The following HECTD4 variants were observed in gnomAD, a reference collection of about 807,000 sequenced individuals.
HECTD4 encodes the protein probable E3 ubiquitin-protein ligase HECTD4.
A neutral mutation model predicts 471.5 loss-of-function variants in HECTD4; 114 were observed. That is an observed-to-expected ratio of 0.24 (90% CI 0.21 to 0.28). HECTD4 has a LOEUF of 0.28. HECTD4 is among the 10% of genes least tolerant of loss of function. The pLI is 1.00. For synonymous variants in HECTD4, 2,012 were observed against 2,256.0 expected, an observed-to-expected ratio of 0.89 and a Z score of 3.07; for missense variants, 3,866 against 5,651.5, an observed-to-expected ratio of 0.68 and a Z score of 10.13.
chr12:112,224,832 C>G (rs1489930838), intron 44 of HECTD4, among the ~76,000 whole-genome samples: 3 of 152,120 alleles, frequency 2.0e-5, no homozygotes, highest in Non-Finnish European at 4.4e-5. Context: ...CCTCTTTATT[C>G]TATAAAATAT....
chr12:112,160,737 G>C lies in HECTD4; in HGVS notation c.*1650C>G, dbSNP rs1305003095. The C allele has an allele frequency of 1.3e-5, 2 of 152,126 alleles. No individual in the cohort carries two copies. The highest frequency in any genetic ancestry group is 2.1e-4 in the South Asian group (1 of 4,824). The allele number at this position is 152,126 out of a possible 1,614,324, so 9.4% of individuals were successfully genotyped here. ...TCATTATGCAGAAATGAAAATAAAA[G>C]GATCCTTATTGTCAGGAATACATCC... On this transcript the variant is annotated 3_prime_UTR_variant, in exon 76 of 76. Transcript: ENST00000682272.
Position 112,163,983 on chromosome 12 carries a change from TG to T in HECTD4, c.12701+125del. On this transcript the variant is annotated intron_variant, in intron 73 of 75. Coordinates refer to ENST00000682272, the MANE Select transcript of HECTD4 (RefSeq NM_001388303.1). The surrounding 1 kb of genome is among the most constrained non-coding windows in gnomAD (Gnocchi z 8.2). Reference sequence around the variant, plus strand: ...ACCATCCTGCCTCATCTCCCTCTCCTGGTGAAATCCACCTGTCACCTGACCT... The same window carrying T: ...ACCATCCTGCCTCATCTCCCTCTCCTGTGAAATCCACCTGTCACCTGACCT... 9.4e-7 allele frequency: 1 copy of T among 1,063,968 alleles called. No individual in the cohort carries two copies. Among genetic ancestry groups the T allele is most frequent in the African/African-American group, 1.6e-5 (1 of 61,998 alleles). 65.9% of individuals were successfully genotyped at this position (1,063,968 alleles called of 1,614,324 possible). A position where few individuals can be genotyped will look rare whatever the true frequency, so the allele number is the denominator to read the frequency against.
chr12:112,260,136 C>CA, intron 18 of HECTD4, among the ~76,000 whole-genome samples: 1 of 152,288 alleles, frequency 6.6e-6, no homozygotes, highest in Admixed American at 6.5e-5. Flanking sequence ...CCCTTGCCCC[C>CA]AGCCCCCGGC....
At chr12:112,307,739 A>T (rs1411675586) in intron 6 of HECTD4, among the ~76,000 whole-genome samples, 1 of 152,240 alleles carries the variant, frequency 6.6e-6, no homozygotes, top group Non-Finnish European at 1.5e-5. Flanking sequence ...ATGTAACATT[A>T]CACTTAATTT....
intron 58 of HECTD4, 73 bp downstream of exon 58, chr12:112,192,986 TCC>T: frequency 1.3e-6 from 2 of 1,566,546 alleles, no homozygotes; most frequent in Non-Finnish European, 1.7e-6. Flanking sequence ...TGAATTTTTT[TCC>T]TTGGCCAGTT....
At chr12:112,274,562 C>T (rs548152546) in intron 10 of HECTD4, among the ~76,000 whole-genome samples, 67 of 152,156 alleles carry the variant, frequency 4.4e-4, no homozygotes, top group Non-Finnish European at 7.6e-4. Context: ...ACAAAATTAG[C>T]TGGGCATGGT....
chr12:112,220,442 G>A (rs2033054502), intron 44 of HECTD4, among the ~76,000 whole-genome samples: 1 of 151,974 alleles, frequency 6.6e-6, no homozygotes, highest in African/African-American at 2.4e-5. Flanking sequence ...AGAGGCACAG[G>A]TGAATGAGCA....
rs149336082 is a variant in HECTD4, at chr12:112,160,454, T to C, written c.*1933A>G. ...CATAAATAATTATAATAAATATACA[T>C]CAAGTAACTTTACAGCACACATTTT... On this transcript the variant is annotated 3_prime_UTR_variant, in exon 76 of 76. Transcript: ENST00000682272. 1 of 152,268 alleles carries C rather than the reference T, an allele frequency of 6.6e-6. No homozygotes were observed. Among genetic ancestry groups the C allele is most frequent in the East Asian group, 1.9e-4 (1 of 5,178 alleles). The allele number at this position is 152,268 out of a possible 1,614,324, so 9.4% of individuals were successfully genotyped here.
At chr12:112,215,068 G>C (rs2032876820) in intron 48 of HECTD4, among the ~76,000 whole-genome samples, 1 of 152,160 alleles carries the variant, frequency 6.6e-6, no homozygotes, top group Admixed American at 6.5e-5. Context: ...CAGGAGAATT[G>C]CTTGAGCCCA....
At chr12:112,314,739 T>C (rs950052263) in intron 2 of HECTD4, among the ~76,000 whole-genome samples, 193 bp from the exon 3 acceptor site, 7 of 152,202 alleles carry the variant, frequency 4.6e-5, no homozygotes, top group Non-Finnish European at 1.0e-4. Flanking sequence ...AAAGATACAA[T>C]GAAAACAACA....
chr12:112,321,032 C>T (rs1403770575), intron 1 of HECTD4, among the ~76,000 whole-genome samples: 3 of 152,028 alleles, frequency 2.0e-5, no homozygotes, highest in African/African-American at 4.8e-5. Flanking sequence ...TTAGTAGAGA[C>T]GAGGTTTCGC....
At position 112,171,024 on chromosome 12, in the gene HECTD4, G is replaced by T. The variant is rs551594002; in HGVS notation, c.11932+93C>A. ...GGTGGGGTGGCATCTTCCTGGCGGG[G>T]CTGCCCAAGGACGCTGCCCGTGGAT... On this transcript the variant is annotated intron_variant, in intron 68 of 75. Transcript: ENST00000682272. 1.5e-4 allele frequency: 169 copies of T among 1,108,934 alleles called. 2 individuals are homozygous for T. The African/African-American group carries it at 2.5e-3, about 16-fold the overall frequency. 68.7% of individuals were successfully genotyped at this position (1,108,934 alleles called of 1,614,324 possible). A position where few individuals can be genotyped will look rare whatever the true frequency, so the allele number is the denominator to read the frequency against.
rs2035539941 is a variant in HECTD4, at chr12:112,319,149, T to C, written c.695+76A>G. On this transcript the variant is annotated intron_variant, in intron 2 of 75. Transcript: ENST00000682272. This position sits in a 1 kb window ranked among gnomAD's most constrained non-coding sequence, Gnocchi z 5.3. Reference sequence around the variant, plus strand: ...TGTTAAGACTTCTATCAAATATACTTGGCCTCTTCTTCATTCACCCAACCC... The same window carrying C: ...TGTTAAGACTTCTATCAAATATACTCGGCCTCTTCTTCATTCACCCAACCC... 1.2e-5 allele frequency: 16 copies of C among 1,353,838 alleles called. No homozygotes were observed. In the South Asian group the frequency reaches 2.2e-4, roughly 18 times the overall value. 83.9% of individuals were successfully genotyped at this position (1,353,838 alleles called of 1,614,324 possible).
chr12:112,235,499 C>T lies in HECTD4; in HGVS notation c.5725+5G>A. The T allele has an allele frequency of 6.2e-7, 1 of 1,602,812 alleles. No homozygotes were observed. The highest frequency in any genetic ancestry group is 8.5e-7 in the Non-Finnish European group (1 of 1,173,816). On this transcript the variant is annotated splice_donor_5th_base_variant and intron_variant, in intron 36 of 75. Transcript: ENST00000682272. This position sits in a 1 kb window ranked among gnomAD's most constrained non-coding sequence, Gnocchi z 5.0. ...ATGCTACTCTCCTGTTGAGGAGCTT[C>T]TCACCTGGAACCACATAATCTGCCA...
At chr12:112,187,495 C>T (rs2031914599) in intron 60 of HECTD4, among the ~76,000 whole-genome samples, 1 of 152,178 alleles carries the variant, frequency 6.6e-6, no homozygotes, top group South Asian at 2.1e-4. Flanking sequence ...GCCTCAGCCT[C>T]CCAAAGTGCT....
chr12:112,323,954 C>G lies in HECTD4; in HGVS notation c.178-4212G>C, dbSNP rs1175024955. Reference sequence around the variant, plus strand: ...GTATTTTTTACTGAGGTGCTTCTTTCTTTCTTTCTTTCTTCCTTCCTTCCT... The same window carrying G: ...GTATTTTTTACTGAGGTGCTTCTTTGTTTCTTTCTTTCTTCCTTCCTTCCT... On this transcript the variant is annotated intron_variant, in intron 1 of 75. Transcript: ENST00000682272. Among the ~76,000 whole-genome samples the G allele has an allele frequency of 1.1e-4, 4 of 35,978 alleles. No homozygotes were observed. The African/African-American group carries it at 1.3e-3, about 11-fold the overall frequency. The allele number at this position is 35,978 out of a possible 152,430, so 23.6% of individuals were successfully genotyped here. A position where few individuals can be genotyped will look rare whatever the true frequency, so the allele number is the denominator to read the frequency against.
At chr12:112,330,509 A>C (rs1234753194) in intron 1 of HECTD4, among the ~76,000 whole-genome samples, 5 of 152,196 alleles carry the variant, frequency 3.3e-5, no homozygotes, top group Non-Finnish European at 7.3e-5. Flanking sequence ...GACAATTTTT[A>C]ATACAAAACT....
intron 11 of HECTD4, among the ~76,000 whole-genome samples, chr12:112,272,204 C>T (rs1309274211): frequency 6.6e-5 from 10 of 152,154 alleles, no homozygotes; most frequent in Non-Finnish European, 8.8e-5. Flanking sequence ...CCTGCCACCA[C>T]ACCCAGCTAA....
chr12:112,309,499 G>T, intron 5 of HECTD4, 62 bp downstream of exon 5: 1 of 751,206 alleles, frequency 1.3e-6, no homozygotes, highest in Non-Finnish European at 2.2e-6. Flanking sequence ...GTCTTCTTCA[G>T]AGATTTATGT....
Sources: gnomAD v4.1 joint callset for allele counts (sites outside exome capture counted in the v4.1 genomes callset) on GRCh38, gnomAD v4.1.1 for gene constraint, Gnocchi (gnomAD v3.1) non-coding constraint, MANE v1.5 for transcripts, NCBI Gene and HGNC (gene_info 2026-07-23, HGNC 2026-07-21) for gene names.